Variants in LGSN observed in about 807,000 individuals in gnomAD.
LGSN encodes lengsin, lens protein with glutamine synthetase domain.
A neutral mutation model predicts 19.5 loss-of-function variants in LGSN; 21 were observed. That is an observed-to-expected ratio of 1.07 (90% confidence interval 0.76 to 1.55). The LOEUF (loss-of-function observed/expected upper bound fraction) is 1.55, where lower values mean the gene tolerates loss of function less well. Among genes scored for constraint, LGSN ranks in the 40% most tolerant of loss-of-function variants. LGSN has a pLI of 0.00. For synonymous variants in LGSN, 257 were observed against 215.6 expected, an observed-to-expected ratio of 1.19 and a Z score of -1.68; for missense variants, 673 against 608.5, an observed-to-expected ratio of 1.11 and a Z score of -1.12.
At chr6:63,514,297 G>A in the LGSN span, among the ~76,000 whole-genome samples, 3 of 152,140 alleles carry the variant, frequency 2.0e-5, no homozygotes, top group South Asian at 6.2e-4. Context: ...GCACAATCTC[G>A]GCTCACTGCA....
At chr6:63,517,937 G>C in the LGSN span, among the ~76,000 whole-genome samples, 1 of 152,154 alleles carries the variant, frequency 6.6e-6, no homozygotes, top group Non-Finnish European at 1.5e-5. Flanking sequence ...TGGATCACCT[G>C]AGGTCAGGAG....
At chr6:63,547,816 G>A in the LGSN span, among the ~76,000 whole-genome samples, 1 of 152,090 alleles carries the variant, frequency 6.6e-6, no homozygotes, top group Non-Finnish European at 1.5e-5. Context: ...CGGCCCAGGG[G>A]GGGATTTGTT....
the LGSN span, among the ~76,000 whole-genome samples, chr6:63,384,489 T>TGTG: frequency 3.0e-5 from 4 of 131,504 alleles, no homozygotes; most frequent in South Asian, 2.8e-4. Flanking sequence ...AAATAACACC[T>TGTG]TGTGTGTGTG....
At chr6:63,393,259 C>T in the LGSN span, among the ~76,000 whole-genome samples, 1 of 151,894 alleles carries the variant, frequency 6.6e-6, no homozygotes, top group Non-Finnish European at 1.5e-5. Flanking sequence ...CCTCTATCTC[C>T]TGGGTTCAAG....
the LGSN span, among the ~76,000 whole-genome samples, chr6:63,489,073 T>A: frequency 3.9e-5 from 6 of 152,182 alleles, no homozygotes; most frequent in Non-Finnish European, 7.4e-5. Context: ...AGGATCATGA[T>A]AAAAAATTGA....
the LGSN span, chr6:63,548,572 C>T: frequency 2.9e-5 from 8 of 273,412 alleles, no homozygotes; most frequent in East Asian, 6.0e-4. Flanking sequence ...AAGCACAGCT[C>T]AGGGTACCAG....
At chr6:63,560,264 G>C in the LGSN span, among the ~76,000 whole-genome samples, 1 of 150,006 alleles carries the variant, frequency 6.7e-6, no homozygotes, top group Admixed American at 6.7e-5. Flanking sequence ...CTTGAACCCA[G>C]GCAGCAGAGG....
chr6:63,364,024 T>A, the LGSN span, among the ~76,000 whole-genome samples: 1 of 152,124 alleles, frequency 6.6e-6, no homozygotes, highest in African/African-American at 2.4e-5. Flanking sequence ...CATCAACTAA[T>A]GAGCAAAATA....
chr6:63,331,236 G>A, the LGSN span, among the ~76,000 whole-genome samples: 1 of 152,144 alleles, frequency 6.6e-6, no homozygotes, highest in Admixed American at 6.5e-5. Context: ...TGCAAGCTTT[G>A]CATAGTTGTG....
At chr6:63,497,616 G>T in the LGSN span, among the ~76,000 whole-genome samples, 2 of 152,144 alleles carry the variant, frequency 1.3e-5, no homozygotes, top group East Asian at 3.9e-4. Flanking sequence ...GAGAAAGTTG[G>T]CATAGGAAAG....
At chr6:63,377,931 A>AAAG in the LGSN span, among the ~76,000 whole-genome samples, 1 of 125,446 alleles carries the variant, frequency 8.0e-6, no homozygotes, top group African/African-American at 3.2e-5. Context: ...AAAAAAAAAA[A>AAAG]AAAAGAAAAG....
the LGSN span, among the ~76,000 whole-genome samples, chr6:63,439,416 C>T: frequency 4.8e-4 from 73 of 151,978 alleles, no homozygotes; most frequent in African/African-American, 1.5e-3. Flanking sequence ...GGCGTGGTGG[C>T]GTGAGCCCAT....
the LGSN span, among the ~76,000 whole-genome samples, chr6:63,490,537 C>A: frequency 6.6e-6 from 1 of 152,010 alleles, no homozygotes; most frequent in South Asian, 2.1e-4. Flanking sequence ...AGAAACAGAT[C>A]CAAAAGGTAT....
chr6:63,556,980 C>T, the LGSN span, among the ~76,000 whole-genome samples: 4 of 152,166 alleles, frequency 2.6e-5, no homozygotes, highest in Non-Finnish European at 5.9e-5. Context: ...CAAACACTAG[C>T]GCAGTCATCC....
the LGSN span, among the ~76,000 whole-genome samples, chr6:63,371,935 T>A: frequency 2.6e-5 from 4 of 152,310 alleles, no homozygotes; most frequent in Admixed American, 2.6e-4. Context: ...AAATACAGTA[T>A]TCTCAAATCT....
At chr6:63,512,223 C>T in the LGSN span, among the ~76,000 whole-genome samples, 2 of 152,110 alleles carry the variant, frequency 1.3e-5, no homozygotes, top group Admixed American at 6.6e-5. Flanking sequence ...GCTGGGATTA[C>T]AGGCATGTGC....
the LGSN span, among the ~76,000 whole-genome samples, chr6:63,526,987 G>T: frequency 2.0e-5 from 3 of 151,486 alleles, no homozygotes; most frequent in Admixed American, 6.6e-5. Context: ...TCTTTATTAG[G>T]GCACTGCTTC....
the LGSN span, among the ~76,000 whole-genome samples, chr6:63,397,576 C>T: frequency 9.6e-3 from 1,455 of 150,950 alleles, 14 homozygotes; most frequent in African/African-American, 0.033. Context: ...CAAAAAGGAG[C>T]ATGATGAATG....
At chr6:63,548,807 G>A in the LGSN span, 5 of 737,118 alleles carry the variant, frequency 6.8e-6, no homozygotes, top group African/African-American at 8.6e-5. Context: ...CCCAGTGACG[G>A]CGGATCTCAT....
Sources: gnomAD v4.1 joint callset for allele counts (sites outside exome capture counted in the v4.1 genomes callset) on GRCh38, gnomAD v4.1.1 for gene constraint, MANE v1.5 for transcripts, NCBI Gene and HGNC (gene_info 2026-07-23, HGNC 2026-07-21) for gene names.